Variants in ETV6 observed in about 807,000 individuals in gnomAD.
ETV6 encodes transcription factor ETV6.
In ETV6, 16 loss-of-function variants were observed where a neutral mutation model predicts 51.1. The observed-to-expected ratio is 0.31, with a 90% CI of 0.21 to 0.48. The LOEUF (loss-of-function observed/expected upper bound fraction) is 0.48, where lower values mean the gene tolerates loss of function less well. Among genes scored for constraint, ETV6 ranks in the 20% least tolerant of loss-of-function variants. The pLI is 0.99. For missense variants in ETV6, 458 were observed against 594.8 expected (o/e 0.77, Z 2.39); for synonymous variants, 240 against 224.1 (o/e 1.07, Z -0.64).
chr12:11,660,937 C>T (rs145496036), intron 1 of ETV6, among the ~76,000 whole-genome samples: 185 of 152,274 alleles, frequency 1.2e-3, no homozygotes, highest in African/African-American at 4.0e-3. Flanking sequence ...GTCCCTGTGA[C>T]AGGTTTTGGA....
intron 2 of ETV6, among the ~76,000 whole-genome samples, chr12:11,827,067 GTC>G (rs199697424): frequency 4.6e-5 from 5 of 109,702 alleles, no homozygotes; most frequent in Non-Finnish European, 7.4e-5. Context: ...AGAGAAGTCT[GTC>G]TCACACACAC....
intron 4 of ETV6, among the ~76,000 whole-genome samples, chr12:11,864,984 G>T (rs953446396): frequency 1.3e-5 from 2 of 152,148 alleles, no homozygotes; most frequent in Non-Finnish European, 2.9e-5. Context: ...GGGCGCGGTG[G>T]CTCATGCCTG....
At chr12:11,846,119 C>A (rs567593177) in intron 3 of ETV6, among the ~76,000 whole-genome samples, 1 of 151,934 alleles carries the variant, frequency 6.6e-6, no homozygotes, top group East Asian at 1.9e-4. Context: ...ACTTAAGGGA[C>A]CGAAGCTTAG....
chr12:11,872,438 T>C (rs1946894429), intron 5 of ETV6, among the ~76,000 whole-genome samples: 1 of 152,148 alleles, frequency 6.6e-6, no homozygotes, highest in African/African-American at 2.4e-5. Flanking sequence ...GAGTTATTTT[T>C]CCCTTATTTA....
At chr12:11,698,560 C>T (rs575274993) in intron 1 of ETV6, among the ~76,000 whole-genome samples, 1 of 151,464 alleles carries the variant, frequency 6.6e-6, no homozygotes, top group African/African-American at 2.4e-5. Flanking sequence ...ACTATGTGGG[C>T]CTCCCAACCT....
intron 1 of ETV6, among the ~76,000 whole-genome samples, chr12:11,694,548 A>G (rs1864836890): frequency 6.6e-6 from 1 of 152,186 alleles, no homozygotes; most frequent in South Asian, 2.1e-4. Flanking sequence ...TCATATACAG[A>G]CAGAATGGGC....
chr12:11,785,204 G>C (rs755000265), intron 2 of ETV6, among the ~76,000 whole-genome samples: 50 of 152,018 alleles, frequency 3.3e-4, no homozygotes, highest in Admixed American at 1.1e-3. Flanking sequence ...ATGATGGCAG[G>C]CCGTACCAAG....
At chr12:11,709,917 G>A (rs1761054235) in intron 1 of ETV6, among the ~76,000 whole-genome samples, 1 of 152,066 alleles carries the variant, frequency 6.6e-6, no homozygotes, top group Non-Finnish European at 1.5e-5. Flanking sequence ...ATAAATATCT[G>A]TGTGTGTGTA....
intron 3 of ETV6, among the ~76,000 whole-genome samples, chr12:11,845,626 C>T (rs1946449659): frequency 6.6e-6 from 1 of 152,098 alleles, no homozygotes; most frequent in Admixed American, 6.5e-5. Flanking sequence ...TTTGTGGTCA[C>T]AGAAGGCACT....
At chr12:11,751,613 A>G (rs1476878914) in intron 1 of ETV6, among the ~76,000 whole-genome samples, 1 of 152,232 alleles carries the variant, frequency 6.6e-6, no homozygotes, top group African/African-American at 2.4e-5. Flanking sequence ...AGTTTGTTTT[A>G]ATTGATCTAA....
At chr12:11,870,268 G>A (rs754307078) in intron 5 of ETV6, among the ~76,000 whole-genome samples, 3 of 152,140 alleles carry the variant, frequency 2.0e-5, no homozygotes, top group Non-Finnish European at 4.4e-5. Flanking sequence ...TAAAATAAAA[G>A]GTTTATGAGC....
At chr12:11,789,820 CTTTG>C (rs763201911) in intron 2 of ETV6, among the ~76,000 whole-genome samples, 3 of 151,972 alleles carry the variant, frequency 2.0e-5, no homozygotes, top group Admixed American at 6.5e-5. Flanking sequence ...TTGCATAAAC[CTTTG>C]TTTGTTGACT....
At chr12:11,741,353 C>G (rs1865806046) in intron 1 of ETV6, among the ~76,000 whole-genome samples, 2 of 152,210 alleles carry the variant, frequency 1.3e-5, no homozygotes, top group African/African-American at 4.8e-5. Context: ...AGAAAGTGGT[C>G]TGGAGCTTGA....
intron 3 of ETV6, among the ~76,000 whole-genome samples, chr12:11,850,307 C>T (rs563967902): frequency 2.0e-5 from 3 of 152,068 alleles, no homozygotes; most frequent in Admixed American, 6.5e-5. Flanking sequence ...GGGAGGTGTG[C>T]GGCAGACCAC....
At chr12:11,722,143 A>G (rs1865400428) in intron 1 of ETV6, among the ~76,000 whole-genome samples, 1 of 152,248 alleles carries the variant, frequency 6.6e-6, no homozygotes, top group Admixed American at 6.5e-5. Flanking sequence ...AATTGAAGCC[A>G]TAGATAATCC....
chr12:11,877,759 G>A (rs1420056079), intron 5 of ETV6, among the ~76,000 whole-genome samples: 4 of 152,180 alleles, frequency 2.6e-5, no homozygotes, highest in Non-Finnish European at 5.9e-5. Context: ...TGACTCCCAA[G>A]CAGGTGCATA....
chr12:11,814,628 A>G (rs977962911), intron 2 of ETV6, among the ~76,000 whole-genome samples: 12 of 152,164 alleles, frequency 7.9e-5, no homozygotes, highest in Admixed American at 6.5e-5. Flanking sequence ...AAGGGCTCAG[A>G]TCGATGGCTC....
intron 1 of ETV6, among the ~76,000 whole-genome samples, chr12:11,666,292 A>C (rs1864192625): frequency 6.6e-6 from 1 of 151,414 alleles, no homozygotes; most frequent in South Asian, 2.1e-4. Context: ...TCTCTTGTAC[A>C]GCCCATGTTC....
chr12:11,835,147 A>G (rs968399839), intron 2 of ETV6, among the ~76,000 whole-genome samples: 2 of 152,202 alleles, frequency 1.3e-5, no homozygotes, highest in South Asian at 4.1e-4. Context: ...AATATACTGG[A>G]CCTACTCGGG....
Sources: allele counts gnomAD v4.1 joint callset (sites outside exome capture counted in the v4.1 genomes callset), GRCh38; gene constraint gnomAD v4.1.1; transcripts MANE v1.5; gene names NCBI Gene and HGNC (gene_info 2026-07-23, HGNC 2026-07-21).